MYBBP1A: variants seen among roughly 807,000 people sequenced by gnomAD.
MYBBP1A encodes MYB binding protein 1a.
Under a neutral mutation model 136.3 loss-of-function variants are expected in MYBBP1A, and 147 were observed. That is an observed-to-expected ratio of 1.08 (90% CI 0.94 to 1.24). The LOEUF is 1.24. Ranked by LOEUF, MYBBP1A falls within the 50% of genes most tolerant of loss-of-function variation. MYBBP1A has a pLI of 0.00. For synonymous variants in MYBBP1A, 947 were observed against 735.8 expected (o/e 1.29, Z -4.65); for missense variants, 2,060 against 1,727.4 (o/e 1.19, Z -3.41).
chr17:4,544,707 C>A, intron 18 of MYBBP1A, 44 bp downstream of exon 18: 1 of 1,445,856 alleles, frequency 6.9e-7, no homozygotes, highest in African/African-American at 1.6e-5. Context: ...CGGGGGTGGG[C>A]GCACAGGGAG....
chr17:4,539,225 G>C lies in MYBBP1A; in HGVS notation c.*190C>G. 6.8e-7 allele frequency: 1 copy of C among 1,463,966 alleles called. No homozygotes were observed. The highest frequency in any genetic ancestry group is 8.9e-7 in the Non-Finnish European group (1 of 1,118,640). 90.7% of individuals were successfully genotyped at this position (1,463,966 alleles called of 1,614,324 possible). A position where few individuals can be genotyped will look rare whatever the true frequency, so the allele number is the denominator to read the frequency against. ...GGGTGGGGAGGTCTCTGCACCCTGGGACCCCTGCAGGAATGGCTCAGGCTG... is the reference window on the plus strand; with the variant it reads ...GGGTGGGGAGGTCTCTGCACCCTGGCACCCCTGCAGGAATGGCTCAGGCTG... On this transcript the variant is annotated 3_prime_UTR_variant, in exon 26 of 26. Transcript: ENST00000254718.
Position 4,545,632 on chromosome 17 carries a change from C to T in MYBBP1A, c.2051G>A (p.Arg684His), listed in dbSNP as rs746733011. 38 of 1,598,936 alleles carry T rather than the reference C, an allele frequency of 2.4e-5. No homozygotes were observed. Among genetic ancestry groups the T allele is most frequent in the Non-Finnish European group, 3.2e-5 (37 of 1,169,562 alleles). The change falls in exon 15 of 26, where the codon CGT becomes CAT. Residue 684 changes from arginine (R) to histidine (H), a missense_variant. Arg to His is a conservative substitution (Grantham distance 29). Transcript: ENST00000254718. The stretch of plus-strand genomic sequence containing the variant: ...CACATCCAGAATTAGCTGCAGGGCA[C>T]GCGGGGTCAGGTGGGAGCAGATGTG... ...FGHICSHLTP[R>H]ALQLILDVLN...
rs749064539 is a variant in MYBBP1A, at chr17:4,539,485, A to C, written c.3917T>G (p.Ile1306Ser). Reference protein sequence around the residue: ...ARKKARLSLVIRSPSLLQSGA... With the variant: ...ARKKARLSLVSRSPSLLQSGA... ...ACTCTGAAGCAGGCTGGGACTCCTG[A>C]TGACCAAAGACAGCCTTGCCTTTTT... Residue 1306 changes from isoleucine to serine, a missense_variant, in exon 26 of 26, where the codon ATC (isoleucine) becomes AGC (serine). Ile to Ser is a moderately radical substitution (Grantham distance 142, BLOSUM62 -2). Coordinates refer to ENST00000254718, the MANE Select transcript of MYBBP1A (RefSeq NM_014520.4). 1.9e-6 allele frequency: 3 copies of C among 1,614,088 alleles called. No homozygotes were observed. In the Admixed American group the frequency reaches 5.0e-5, roughly 27 times the overall value.
chr17:4,540,404 G>A lies in MYBBP1A; in HGVS notation c.3378C>T (p.Thr1126=), dbSNP rs766610350. 3.4e-5 allele frequency: 55 copies of A among 1,610,464 alleles called. No homozygotes were observed. The highest frequency in any genetic ancestry group is 4.5e-5 in the East Asian group (2 of 44,874). Residue 1126 remains threonine (T), a synonymous_variant, in exon 25 of 26, where the codon ACC becomes ACT. Coordinates refer to ENST00000254718, the MANE Select transcript of MYBBP1A (RefSeq NM_014520.4). The part of the protein sequence containing the change: ...QQSLQQGAHS[T]GSSRLHDLYW... ...AGAGGTCGTGCAGGCGGCTGGAGCC[G>A]GTGGAGTGTGCCCCCTGCTGTAGGC...
intron 13 of MYBBP1A, among the ~76,000 whole-genome samples, chr17:4,546,458 A>G (rs1907023983): frequency 6.6e-6 from 1 of 152,034 alleles, no homozygotes; most frequent in Non-Finnish European, 1.5e-5. Flanking sequence ...ATACGCAGTT[A>G]CAGGATCCAA....
rs1016368889 is a variant in MYBBP1A at position 4,539,688 on chromosome 17, G to A, written c.3714C>T (p.Pro1238=). The A allele has an allele frequency of 6.2e-7, 1 of 1,608,262 alleles. No individual in the cohort carries two copies. Among genetic ancestry groups the A allele is most frequent in the Non-Finnish European group, 8.5e-7 (1 of 1,176,260 alleles). The change falls in exon 26 of 26, where the codon CCC becomes CCT. Residue 1238 remains proline (P), a synonymous_variant. Coordinates refer to ENST00000254718, the MANE Select transcript of MYBBP1A (RefSeq NM_014520.4). ...TGGCAGGGGTGCTGGGGCTCCGGGT[G>A]GGGGCGCCAGGGGCTGGACTCTTGG... ...PTTKSPAPGA[P]TRSPSTPAKS... is the part of the protein sequence containing the mutation.
intron 19 of MYBBP1A, 94 bp from the exon 20 acceptor site, chr17:4,543,259 G>T (rs555573339): frequency 2.0e-5 from 29 of 1,447,396 alleles, no homozygotes; most frequent in Middle Eastern, 3.7e-4. Context: ...TATAAGTGGG[G>T]AAACAGACCT....
chr17:4,544,775 A>C lies in MYBBP1A; in HGVS notation c.2457T>G (p.Ala819=). Residue 819 remains alanine (A), a synonymous_variant, in exon 18 of 26, where the codon GCT becomes GCG. Transcript: ENST00000254718. ...CCCGGATCTGGAAGTCGCGCCGCAG[A>C]GCCTTCTCCTTCTGCAGCTTGTTCT... The part of the protein sequence containing the change: ...DEKNKLQKEK[A]LRRDFQIRVL... 1 of 1,587,166 alleles carries C rather than the reference A, an allele frequency of 6.3e-7. No individual in the cohort carries two copies. The highest frequency in any genetic ancestry group is 8.6e-7 in the Non-Finnish European group (1 of 1,166,874).
chr17:4,549,415 C>T lies in MYBBP1A; in HGVS notation c.1347G>A (p.Arg449=). ...TCACCAATCGAAAGATGATCCATTT[C>T]CTCAGCCGGAACACAGCTCGCTCAG... is the stretch of plus-strand genomic sequence containing the variant. The part of the protein sequence containing the change: ...HMPERAVFRL[R]KWIIFRLVSI... Residue 449 remains arginine (R), a synonymous_variant, in exon 10 of 26, where the codon AGG becomes AGA. Transcript: ENST00000254718. 4 of 1,613,232 alleles carry T rather than the reference C, an allele frequency of 2.5e-6. No individual in the cohort carries two copies. Among genetic ancestry groups the T allele is most frequent in the Non-Finnish European group, 3.4e-6 (4 of 1,179,948 alleles).
In MYBBP1A at chr17:4,552,113, C is replaced by G. The variant is rs368143196; in HGVS notation, c.905+12G>C. The G allele has an allele frequency of 1.2e-6, 2 of 1,611,606 alleles. No homozygotes were observed. The highest frequency in any genetic ancestry group is 8.5e-7 in the Non-Finnish European group (1 of 1,178,542). ...GGGAAGGGGGCCGAGAGAGGACACG[C>G]GTCGCCCGCACCTGGCTGGCCAGAA... On this transcript the variant is annotated intron_variant, in intron 7 of 25. Coordinates refer to ENST00000254718, the MANE Select transcript of MYBBP1A (RefSeq NM_014520.4). This position sits in a 1 kb window ranked among gnomAD's most constrained non-coding sequence, Gnocchi z 4.7.
chr17:4,548,327 G>A lies in MYBBP1A; in HGVS notation c.1557-17C>T. 1 of 1,610,458 alleles carries A rather than the reference G, an allele frequency of 6.2e-7. No individual in the cohort carries two copies. Among genetic ancestry groups the A allele is most frequent in the Non-Finnish European group, 8.5e-7 (1 of 1,179,242 alleles). On this transcript the variant is annotated splice_polypyrimidine_tract_variant and intron_variant, in intron 11 of 25. Transcript: ENST00000254718. The surrounding 1 kb of genome is among the most constrained non-coding windows in gnomAD (Gnocchi z 4.2). ...TGCAACAGACTGGGCAAGGGATGGG[G>A]CTTGGGGTCAGCAGACCAGATGAGT...
At position 4,547,984 on chromosome 17, in the gene MYBBP1A, G is replaced by A. The variant is rs1291549370; in HGVS notation, c.1798C>T (p.Leu600Phe). The change falls in exon 13 of 26, where the codon CTC becomes TTC. Residue 600 changes from leucine (L) to phenylalanine (F), a missense_variant. Coordinates refer to ENST00000254718, the MANE Select transcript of MYBBP1A (RefSeq NM_014520.4). ...TTGAGGAGGTGGATGCCCACGAGGA[G>A]CAGAAGGTGCTGGAAGGCAGCAGCC... ...ARAAAFQHLL[L>F]LVGIHLLKSP... is the part of the protein sequence containing the mutation. 12 of 1,525,794 alleles carry A rather than the reference G, an allele frequency of 7.9e-6. No homozygotes were observed. The highest frequency in any genetic ancestry group is 2.0e-5 in the Admixed American group (1 of 49,652). 94.5% of individuals were successfully genotyped at this position (1,525,794 alleles called of 1,614,324 possible).
chr17:4,541,441 G>T, intron 24 of MYBBP1A, 22 bp downstream of exon 24: 1 of 1,605,280 alleles, frequency 6.2e-7, no homozygotes, highest in Non-Finnish European at 8.5e-7. Context: ...GAACACGACC[G>T]CGGACTGGGC....
At chr17:4,546,421 A>T (rs1043238270) in intron 13 of MYBBP1A, among the ~76,000 whole-genome samples, 1 of 151,692 alleles carries the variant, frequency 6.6e-6, no homozygotes, top group East Asian at 1.9e-4. Context: ...CCCCGCGCCC[A>T]GCTAGCTGAC....
chr17:4,551,853 G>A (rs761150797), intron 8 of MYBBP1A, 27 bp downstream of exon 8: 1 of 1,591,128 alleles, frequency 6.3e-7, no homozygotes, highest in Non-Finnish European at 8.6e-7. Context: ...CTTTCTGGCA[G>A]TGTCGAGCTG....
chr17:4,539,222 T>C lies in MYBBP1A; in HGVS notation c.*193A>G. The C allele has an allele frequency of 6.8e-7, 1 of 1,461,914 alleles. No individual in the cohort carries two copies. The highest frequency in any genetic ancestry group is 8.9e-7 in the Non-Finnish European group (1 of 1,117,580). The allele number at this position is 1,461,914 out of a possible 1,614,324, so 90.6% of individuals were successfully genotyped here. Reference sequence around the variant, plus strand: ...CGGGGGTGGGGAGGTCTCTGCACCCTGGGACCCCTGCAGGAATGGCTCAGG... The same window carrying C: ...CGGGGGTGGGGAGGTCTCTGCACCCCGGGACCCCTGCAGGAATGGCTCAGG... On this transcript the variant is annotated 3_prime_UTR_variant, in exon 26 of 26. Coordinates refer to ENST00000254718, the MANE Select transcript of MYBBP1A (RefSeq NM_014520.4).
intron 25 of MYBBP1A, 38 bp from the exon 26 acceptor site, chr17:4,540,005 A>AGGGCAGC: frequency 6.3e-7 from 1 of 1,577,604 alleles, no homozygotes; most frequent in African/African-American, 1.3e-5. Flanking sequence ...GTGCCCATCG[A>AGGGCAGC]GGGCAGCAGC....
At position 4,547,860 on chromosome 17, in the gene MYBBP1A, T is replaced by C. The variant is rs1461185039; in HGVS notation, c.1824+98A>G. The C allele has an allele frequency of 5.5e-6, 6 of 1,098,214 alleles. No individual in the cohort carries two copies. In the African/African-American group the frequency reaches 8.0e-5, roughly 15 times the overall value. The allele number at this position is 1,098,214 out of a possible 1,614,324, so 68.0% of individuals were successfully genotyped here. On this transcript the variant is annotated intron_variant, in intron 13 of 25. Coordinates refer to ENST00000254718, the MANE Select transcript of MYBBP1A (RefSeq NM_014520.4). The stretch of plus-strand genomic sequence containing the variant: ...CCCAACTTAACTCCCCCAGAACCTT[T>C]CCTGGAAACCCGCACAGCCCTCAAA...
chr17:4,550,840 C>T lies in MYBBP1A; in HGVS notation c.1024-487G>A, dbSNP rs1222016988. On this transcript the variant is annotated intron_variant, in intron 8 of 25. Coordinates refer to ENST00000254718, the MANE Select transcript of MYBBP1A (RefSeq NM_014520.4). The stretch of plus-strand genomic sequence containing the variant: ...CTCAGTGCCAGCACCCGCGCTCCGC[C>T]TTTTTGGGCGGCAGCTTAGCATTTT... Among the ~76,000 whole-genome samples, 8 of 152,274 alleles carry T rather than the reference C, an allele frequency of 5.3e-5. No homozygotes were observed. In the East Asian group the frequency reaches 1.3e-3, roughly 26 times the overall value.
Sources: allele counts gnomAD v4.1 joint callset (sites outside exome capture counted in the v4.1 genomes callset), GRCh38; gene constraint gnomAD v4.1.1; non-coding constraint Gnocchi (gnomAD v3.1); transcripts MANE v1.5; gene names NCBI Gene and HGNC (gene_info 2026-07-23, HGNC 2026-07-21).